ATG9B: variants seen among roughly 807,000 people sequenced by gnomAD.
The protein encoded by ATG9B is autophagy-related protein 9B.
In ATG9B, 92 loss-of-function variants were observed where a neutral mutation model predicts 92.9. That is an observed-to-expected ratio of 0.99 (90% confidence interval 0.84 to 1.18). The LOEUF (loss-of-function observed/expected upper bound fraction) is 1.18, where lower values mean the gene tolerates loss of function less well. Among genes scored for constraint, ATG9B ranks in the 50% most tolerant of loss-of-function variants. The probability of loss-of-function intolerance (pLI) is 0.00; values close to 1 mark genes in which losing one functional copy is unlikely to be tolerated. For missense variants in ATG9B, 1,344 were observed against 1,235.0 expected, an observed-to-expected ratio of 1.09 and a Z score of -1.32; for synonymous variants, 599 against 551.4, an observed-to-expected ratio of 1.09 and a Z score of -1.21.
downstream of ATG9B, chr7:151,014,209 TG>T (rs2117144411): frequency 6.4e-7 from 1 of 1,564,178 alleles, no homozygotes; most frequent in East Asian, 2.3e-5. Flanking sequence ...GGAGAGCGGC[TG>T]CCCGACTCAG....
rs751228896 is a variant in ATG9B at position 151,019,340 on chromosome 7, T to A, written c.998A>T (p.Gln333Leu). The A allele has an allele frequency of 1.4e-5, 21 of 1,545,872 alleles. No individual in the cohort carries two copies. In the African/African-American group the frequency reaches 2.6e-4, roughly 19 times the overall value. ...ELSSVPWAEV[Q>L]SRLLALQRSG... Reference sequence around the variant, plus strand: ...CCGCTGCAGTGCCAAGAGGCGGGACTGCACCTCTGCCCAGGGAACCGAGCT... The same window carrying A: ...CCGCTGCAGTGCCAAGAGGCGGGACAGCACCTCTGCCCAGGGAACCGAGCT... The change falls in exon 6 of 14, where the codon CAG becomes CTG. Residue 333 changes from glutamine to leucine, a missense_variant. Coordinates refer to ENST00000639579, the MANE Select transcript of ATG9B (RefSeq NM_001317056.2).
chr7:151,018,167 C>G lies in ATG9B; in HGVS notation c.1873-117G>C. ...CAAGAAGCCTCCCCACCCAGTCACT[C>G]CCTAGACTCCTGGTATAGTCCGTTT... On this transcript the variant is annotated intron_variant, in intron 7 of 13. Transcript: ENST00000639579. This position sits in a 1 kb window ranked among gnomAD's most constrained non-coding sequence, Gnocchi z 4.7. 1 of 1,466,074 alleles carries G rather than the reference C, an allele frequency of 6.8e-7. No homozygotes were observed. Among genetic ancestry groups the G allele is most frequent in the Non-Finnish European group, 9.0e-7 (1 of 1,110,082 alleles). 90.8% of individuals were successfully genotyped at this position (1,466,074 alleles called of 1,614,324 possible).
rs3918217 is a variant in ATG9B, at chr7:151,015,893, G to C, written c.*3C>G. The stretch of plus-strand genomic sequence containing the variant: ...GAGGCAATACTGACCCTGAGGAGTC[G>C]TCTCAGTCAGTGCAAGAGGCCCGGT... On this transcript the variant is annotated 3_prime_UTR_variant, in exon 13 of 14. Transcript: ENST00000639579. The C allele has an allele frequency of 1.2e-5, 18 of 1,551,248 alleles. No individual in the cohort carries two copies. The East Asian group carries it at 4.2e-4, about 36-fold the overall frequency.
At chr7:151,022,193 G>T (rs1349349365) in intron 4 of ATG9B, among the ~76,000 whole-genome samples, 1 of 148,616 alleles carries the variant, frequency 6.7e-6, no homozygotes, top group African/African-American at 2.5e-5. Flanking sequence ...TGAATCGTCT[G>T]CTGGGAGGGA....
intron 8 of ATG9B, 30 bp from the exon 9 acceptor site, chr7:151,017,302 A>G (rs1430450190): frequency 3.2e-6 from 5 of 1,548,900 alleles, no homozygotes; most frequent in Non-Finnish European, 4.4e-6. Flanking sequence ...TTCAGGTGCT[A>G]AGAACACTGA....
Position 151,015,919 on chromosome 7 carries a change from C to T in ATG9B, c.2752G>A (p.Asp918Asn). The change falls in exon 13 of 14, where the codon GAC (aspartate) becomes AAC (asparagine). Residue 918 changes from aspartate to asparagine, a missense_variant. Transcript: ENST00000639579. Reference protein sequence around the residue: ...QVTTDTQKEPDRASCTD With the variant: ...QVTTDTQKEPNRASCTD ...TCTCAGTCAGTGCAAGAGGCCCGGT[C>T]AGGCTCCTTCTGGGTGTCTGTGGTC... is the stretch of plus-strand genomic sequence containing the variant. The T allele has an allele frequency of 2.6e-6, 4 of 1,551,676 alleles. No individual in the cohort carries two copies. In the South Asian group the frequency reaches 4.8e-5, roughly 18 times the overall value.
downstream of ATG9B, chr7:151,013,713 C>T (rs752118298): frequency 6.3e-7 from 1 of 1,582,808 alleles, no homozygotes; most frequent in East Asian, 2.3e-5. Context: ...CCTAACCCCG[C>T]CGCCCCGCAG....
At chr7:151,013,780 G>A, downstream of ATG9B, 1 of 1,611,658 alleles carries the variant, frequency 6.2e-7, no homozygotes, top group Non-Finnish European at 8.5e-7. Flanking sequence ...ACCGCGTGCT[G>A]TGCCTCGAGC....
In ATG9B at chr7:151,024,346, G is replaced by A; in HGVS notation, c.78C>T (p.Pro26=). Residue 26 remains proline (P), a synonymous_variant, in exon 1 of 14, where the codon CCC becomes CCT. Transcript: ENST00000639579. ...RWGDLGPGSV[P]LLPMPLPPPP... ...GAGGTGGCAGTGGCATGGGGAGGAG[G>A]GGCACCGATCCGGGCCCCAGATCTC... 2 of 1,407,128 alleles carry A rather than the reference G, an allele frequency of 1.4e-6. No homozygotes were observed. Among genetic ancestry groups the A allele is most frequent in the Non-Finnish European group, 1.9e-6 (2 of 1,076,428 alleles). 87.2% of individuals were successfully genotyped at this position (1,407,128 alleles called of 1,614,324 possible). A position where few individuals can be genotyped will look rare whatever the true frequency, so the allele number is the denominator to read the frequency against.
chr7:151,017,441 A>G (rs1007085470), intron 8 of ATG9B, among the ~76,000 whole-genome samples, 169 bp from the exon 9 acceptor site: 3 of 152,190 alleles, frequency 2.0e-5, no homozygotes, highest in African/African-American at 7.2e-5. Context: ...CCTGTCATCT[A>G]TTCGTCACCC....
chr7:151,016,519 G>A lies in ATG9B; in HGVS notation c.2432C>T (p.Ser811Phe). ...CTTCTGGCCCCCAGTGCCTCCTGGG[G>A]ACACAGAGCTGGAACATAACATGAA... The part of the protein sequence containing the change: ...SRIAQDPSSV[S>F]PGGTGGQKLA... The change falls in exon 11 of 14, where the codon TCC (serine) becomes TTC (phenylalanine). Residue 811 changes from serine to phenylalanine, a missense_variant. Physicochemically the swap from Ser to Phe is radical, Grantham distance 155 (BLOSUM62 -2). Transcript: ENST00000639579. 1 of 1,550,846 alleles carries A rather than the reference G, an allele frequency of 6.4e-7. No individual in the cohort carries two copies. Among genetic ancestry groups the A allele is most frequent in the South Asian group, 1.2e-5 (1 of 84,044 alleles).
chr7:151,017,264 C>G lies in ATG9B; in HGVS notation c.2061G>C (p.Ser687=), dbSNP rs1330096089. 1.9e-6 allele frequency: 3 copies of G among 1,592,038 alleles called. No homozygotes were observed. The highest frequency in any genetic ancestry group is 1.3e-5 in the African/African-American group (1 of 74,280). The change falls in exon 9 of 14, where the codon TCG becomes TCC. Residue 687 remains serine (S), a synonymous_variant. Coordinates refer to ENST00000639579, the MANE Select transcript of ATG9B (RefSeq NM_001317056.2). ...ACAGCGAGGCCTCAGTCTGTCCCGC[C>G]GAGAGCCACTGTGAGCAAGGACAGT... ...VKRHGHPQWL[S]AGQTEASLSQ...
chr7:151,017,899 A>C lies in ATG9B; in HGVS notation c.2024T>G (p.Met675Arg). The C allele has an allele frequency of 4.3e-6, 7 of 1,609,934 alleles. No homozygotes were observed. Among genetic ancestry groups the C allele is most frequent in the Non-Finnish European group, 5.9e-6 (7 of 1,178,120 alleles). The change falls in exon 8 of 14, where the codon ATG (methionine) becomes AGG (arginine). Residue 675 changes from methionine (M) to arginine (R), a missense_variant. By Grantham distance (91) the Met-to-Arg change is moderately conservative. Transcript: ENST00000639579. ...GVGDICSFAL[M>R]DVKRHGHPQW... ...AGGGTGTCCGTGGCGCTTCACATCC[A>C]TAAGGGCAAAGGAACAGATGTCCCC...
At chr7:151,013,178 C>G, downstream of ATG9B, 1 of 1,577,792 alleles carries the variant, frequency 6.3e-7, no homozygotes, top group African/African-American at 1.3e-5. Flanking sequence ...GGGGAGGCCC[C>G]ACTAGCACTG....
In ATG9B at chr7:151,023,186, G is replaced by A; in HGVS notation, c.680C>T (p.Thr227Ile). 2 of 1,614,222 alleles carry A rather than the reference G, an allele frequency of 1.2e-6. No individual in the cohort carries two copies. The highest frequency in any genetic ancestry group is 1.7e-6 in the Non-Finnish European group (2 of 1,180,036). ...GCATCGAAGGAGGAAGGTTGTGAAGGTGACAATGAAAATAAATTGTCTGCC... is the reference window on the plus strand; with the variant it reads ...GCATCGAAGGAGGAAGGTTGTGAAGATGACAATGAAAATAAATTGTCTGCC... Reference protein sequence around the residue: ...FQLGQFIFIVTFTTFLLRCVD... With the variant: ...FQLGQFIFIVIFTTFLLRCVD... Residue 227 changes from threonine (T) to isoleucine (I), a missense_variant, in exon 4 of 14, where the codon ACC becomes ATC. Coordinates refer to ENST00000639579, the MANE Select transcript of ATG9B (RefSeq NM_001317056.2).
In ATG9B at chr7:151,018,925, G is replaced by A. The variant is rs1031876718; in HGVS notation, c.1413C>T (p.Arg471=). 3.3e-6 allele frequency: 5 copies of A among 1,523,260 alleles called. No homozygotes were observed. Among genetic ancestry groups the A allele is most frequent in the African/African-American group, 2.9e-5 (2 of 69,056 alleles). The allele number at this position is 1,523,260 out of a possible 1,614,324, so 94.4% of individuals were successfully genotyped here. A position where few individuals can be genotyped will look rare whatever the true frequency, so the allele number is the denominator to read the frequency against. The stretch of plus-strand genomic sequence containing the variant: ...CGCGCGCCCCCAGCGCGCCAGGCTC[G>A]CGCCGCAGCAGCTCCACGTGGCTAT... ...VFYSHVELLR[R]EPGALGARGW... is the part of the protein sequence containing the mutation. Residue 471 remains arginine, a synonymous_variant, in exon 6 of 14, where the codon CGC becomes CGT. Coordinates refer to ENST00000639579, the MANE Select transcript of ATG9B (RefSeq NM_001317056.2). The surrounding 1 kb of genome is among the most constrained non-coding windows in gnomAD (Gnocchi z 4.7).
Position 151,024,431 on chromosome 7 carries a change from C to A in ATG9B, c.-8G>T. The A allele has an allele frequency of 1.5e-6, 2 of 1,338,778 alleles. No homozygotes were observed. The highest frequency in any genetic ancestry group is 1.9e-6 in the Non-Finnish European group (2 of 1,039,796). The allele number at this position is 1,338,778 out of a possible 1,614,324, so 82.9% of individuals were successfully genotyped here. A position where few individuals can be genotyped will look rare whatever the true frequency, so the allele number is the denominator to read the frequency against. ...GCCCATTCGGCTCACCATCAGGCCA[C>A]GGCTTCTCCAGAAAGGTTGGAAGGA... On this transcript the variant is annotated 5_prime_UTR_variant, in exon 1 of 14. Coordinates refer to ENST00000639579, the MANE Select transcript of ATG9B (RefSeq NM_001317056.2).
chr7:151,021,715 T>C (rs1795757741), intron 4 of ATG9B, among the ~76,000 whole-genome samples: 1 of 150,378 alleles, frequency 6.6e-6, no homozygotes, highest in Non-Finnish European at 1.5e-5. Flanking sequence ...AGTGGCGCAA[T>C]CTTGGCTCAC....
downstream of ATG9B, chr7:151,014,350 G>T: frequency 1.5e-6 from 1 of 682,726 alleles, no homozygotes; most frequent in South Asian, 2.2e-5. Context: ...CCCTCTCTAG[G>T]CCTGTTGCCT....
Sources: gnomAD v4.1 joint callset for allele counts (sites outside exome capture counted in the v4.1 genomes callset) on GRCh38, gnomAD v4.1.1 for gene constraint, Gnocchi (gnomAD v3.1) non-coding constraint, MANE v1.5 for transcripts, NCBI Gene and HGNC (gene_info 2026-07-23, HGNC 2026-07-21) for gene names.